The following ZNF385C variants were observed in gnomAD, a reference collection of about 807,000 sequenced individuals.
ZNF385C encodes zinc finger protein 385C.
Under a neutral mutation model 35.4 loss-of-function variants are expected in ZNF385C, and 28 were observed. The observed-to-expected ratio is 0.79, with a 90% confidence interval of 0.59 to 1.08. The LOEUF (loss-of-function observed/expected upper bound fraction) is 1.08, where lower values mean the gene tolerates loss of function less well. ZNF385C is among the 50% of genes least tolerant of loss of function. The pLI, the probability that ZNF385C is intolerant of heterozygous loss-of-function variation, is 0.00. For synonymous variants in ZNF385C, 248 were observed against 248.2 expected (o/e 1.00, Z 0.01); for missense variants, 605 against 595.6 (o/e 1.02, Z -0.16).
chr17:42,089,652 G>A (rs1202276529), intron 1 of ZNF385C, among the ~76,000 whole-genome samples: 1 of 151,096 alleles, frequency 6.6e-6, no homozygotes, highest in East Asian at 1.9e-4. Context: ...CTTTTTTTTT[G>A]GTTTTAATTT....
intron 1 of ZNF385C, among the ~76,000 whole-genome samples, chr17:42,077,375 C>T (rs577608478): frequency 6.6e-6 from 1 of 152,194 alleles, no homozygotes; most frequent in Admixed American, 6.5e-5. Context: ...TTAGGTGTTG[C>T]TGGTCCCGGC....
At chr17:42,044,385 G>A (rs1241026331) in intron 2 of ZNF385C, among the ~76,000 whole-genome samples, 2 of 151,258 alleles carry the variant, frequency 1.3e-5, no homozygotes, top group East Asian at 3.9e-4. Flanking sequence ...GGGAGGCCGA[G>A]GCAGGCAGGT....
chr17:42,035,146 A>G (rs1218270547), intron 3 of ZNF385C, among the ~76,000 whole-genome samples: 9 of 147,056 alleles, frequency 6.1e-5, no homozygotes, highest in Non-Finnish European at 1.1e-4. Flanking sequence ...AAAAGAGAAG[A>G]GAAAAGAAAA....
chr17:42,034,932 GC>G (rs1278230541), intron 3 of ZNF385C, among the ~76,000 whole-genome samples: 3 of 151,616 alleles, frequency 2.0e-5, no homozygotes, highest in African/African-American at 7.3e-5. Context: ...TTCAAGACCA[GC>G]CTGGCCAAGA....
intron 1 of ZNF385C, among the ~76,000 whole-genome samples, chr17:42,092,826 C>T (rs1181073058): frequency 6.6e-6 from 1 of 151,856 alleles, no homozygotes; most frequent in Non-Finnish European, 1.5e-5. Context: ...GGGAGGGGGT[C>T]AGCTGGCATC....
chr17:42,030,856 C>G (rs1423088570), intron 5 of ZNF385C, among the ~76,000 whole-genome samples: 1 of 141,660 alleles, frequency 7.1e-6, no homozygotes, highest in African/African-American at 2.6e-5. Flanking sequence ...TGGAGTGATG[C>G]GTCTATAAGC....
Position 42,038,303 on chromosome 17 carries a change from G to A in ZNF385C, c.251-418C>T, listed in dbSNP as rs148370131. ...GGGTATTAGGAAAAGGCTAGCCCTC[G>A]CCCCTCTCACTCTCTAACTATCCTC... On this transcript the variant is annotated intron_variant, in intron 2 of 8. Coordinates refer to ENST00000692273, the MANE Select transcript of ZNF385C (RefSeq NM_001392013.1). 1,098 of 504,378 alleles carry A rather than the reference G, an allele frequency of 2.2e-3. 4 individuals are homozygous for A. The highest frequency in any genetic ancestry group is 6.2e-3 in the Middle Eastern group (12 of 1,950). 31.2% of individuals were successfully genotyped at this position (504,378 alleles called of 1,614,324 possible).
chr17:42,083,250 T>C (rs1555659868), intron 1 of ZNF385C, among the ~76,000 whole-genome samples: 1 of 151,336 alleles, frequency 6.6e-6, no homozygotes. Flanking sequence ...TCACCCTGGC[T>C]GGAGTGCAGT....
intron 2 of ZNF385C, among the ~76,000 whole-genome samples, chr17:42,055,577 T>G (rs2053361025): frequency 1.3e-5 from 2 of 152,112 alleles, no homozygotes; most frequent in African/African-American, 4.8e-5. Context: ...ACAGTTTCTT[T>G]GCAGCATGCA....
intron 1 of ZNF385C, among the ~76,000 whole-genome samples, chr17:42,069,222 G>T (rs2053589850): frequency 7.2e-6 from 1 of 138,470 alleles, no homozygotes; most frequent in African/African-American, 2.7e-5. Flanking sequence ...GTGTAGCCCA[G>T]TTTCTGTCTG....
chr17:42,040,236 C>G (rs575615780), intron 2 of ZNF385C: 1 of 1,231,490 alleles, frequency 8.1e-7, no homozygotes, highest in Non-Finnish European at 1.0e-6. Context: ...GTAGGCCCTT[C>G]CGCATGGAGT....
At chr17:42,064,085 C>T (rs1347927562) in intron 1 of ZNF385C, among the ~76,000 whole-genome samples, 1 of 114,962 alleles carries the variant, frequency 8.7e-6, no homozygotes, top group Admixed American at 8.6e-5. Flanking sequence ...CACACACACA[C>T]ACACACACAC....
rs2053907846 is a variant in ZNF385C at position 42,095,398 on chromosome 17, C to T, written c.-3+3012G>A. Reference sequence around the variant, plus strand: ...AGAACCCACATGATAGACACATGGGCCCTCCCGGGTGGCAGGCGCAGCTCC... The same window carrying T: ...AGAACCCACATGATAGACACATGGGTCCTCCCGGGTGGCAGGCGCAGCTCC... On this transcript the variant is annotated intron_variant, in intron 1 of 8. Transcript: ENST00000692273. The surrounding 1 kb of genome is among the most constrained non-coding windows in gnomAD (Gnocchi z 4.4). Among the ~76,000 whole-genome samples, 1 of 152,224 alleles carries T rather than the reference C, an allele frequency of 6.6e-6. No individual in the cohort carries two copies. Among genetic ancestry groups the T allele is most frequent in the African/African-American group, 2.4e-5 (1 of 41,450 alleles).
At chr17:42,087,029 G>A (rs2143943320) in intron 1 of ZNF385C, among the ~76,000 whole-genome samples, 1 of 151,922 alleles carries the variant, frequency 6.6e-6, no homozygotes, top group East Asian at 1.9e-4. Context: ...CTCCATATTG[G>A]TCAGGCTGGT....
At chr17:42,097,766 A>G (rs1265277931) in intron 1 of ZNF385C, among the ~76,000 whole-genome samples, 5 of 152,130 alleles carry the variant, frequency 3.3e-5, no homozygotes, top group African/African-American at 1.2e-4. Flanking sequence ...GTCTGCAATA[A>G]GGCCACATCT....
At chr17:42,073,998 C>T (rs2053659243) in intron 1 of ZNF385C, among the ~76,000 whole-genome samples, 1 of 152,216 alleles carries the variant, frequency 6.6e-6, no homozygotes, top group Non-Finnish European at 1.5e-5. Flanking sequence ...TGCCCCTGCT[C>T]TCCCCTCAGT....
At chr17:42,071,626 CCT>C (rs141904311) in intron 1 of ZNF385C, among the ~76,000 whole-genome samples, 2,055 of 152,314 alleles carry the variant, frequency 0.013, 47 homozygotes, top group African/African-American at 0.047. Context: ...CTCCATACCC[CCT>C]GTCCTTGCCT....
chr17:42,065,980 A>G (rs1168185214), intron 1 of ZNF385C, among the ~76,000 whole-genome samples: 1 of 152,058 alleles, frequency 6.6e-6, no homozygotes, highest in Non-Finnish European at 1.5e-5. Context: ...CATTGTGGGG[A>G]TTAGATGAGC....
intron 2 of ZNF385C, among the ~76,000 whole-genome samples, chr17:42,060,575 C>T (rs1404707777): frequency 6.6e-6 from 1 of 152,090 alleles, no homozygotes; most frequent in Non-Finnish European, 1.5e-5. Context: ...GTGCCCCTCC[C>T]CACCCAAAGA....
Sources: gnomAD v4.1 joint callset for allele counts (sites outside exome capture counted in the v4.1 genomes callset) on GRCh38, gnomAD v4.1.1 for gene constraint, Gnocchi (gnomAD v3.1) non-coding constraint, MANE v1.5 for transcripts, NCBI Gene and HGNC (gene_info 2026-07-23, HGNC 2026-07-21) for gene names.